Variants in CRY2 observed in about 807,000 individuals in gnomAD.
CRY2 encodes the protein cryptochrome-2.
In CRY2, 31 loss-of-function variants were observed where a neutral mutation model predicts 69.5. The ratio of observed to expected loss-of-function variants is 0.45; its 90% CI spans 0.34 to 0.60. The LOEUF is 0.60. CRY2 is among the 20% of genes least tolerant of loss of function. The pLI, the probability that CRY2 is intolerant of heterozygous loss-of-function variation, is 0.02. For missense variants in CRY2, 606 were observed against 797.8 expected, an observed-to-expected ratio of 0.76 and a Z score of 2.90; for synonymous variants, 303 against 312.2, an observed-to-expected ratio of 0.97 and a Z score of 0.31.
In CRY2 at chr11:45,849,258, A is replaced by G. The variant is rs138590300; in HGVS notation, c.215+1553A>G. ...GATTTTTGTGGGTCATCATTTTGTG[A>G]TCGTGCTATCAATCTAGTGAAGAAG... On this transcript the variant is annotated intron_variant, in intron 1 of 11. Transcript: ENST00000616080. Among the ~76,000 whole-genome samples, 584 of 152,272 alleles carry G rather than the reference A, an allele frequency of 3.8e-3. 2 individuals carry two copies. The highest frequency in any genetic ancestry group is 0.013 in the African/African-American group (555 of 41,540).
intron 5 of CRY2, among the ~76,000 whole-genome samples, chr11:45,866,235 C>G (rs2086329644): frequency 1.3e-5 from 2 of 152,188 alleles, no homozygotes; most frequent in South Asian, 4.1e-4. Flanking sequence ...TAGCAGGCAG[C>G]TGGGTGGAGC....
intron 1 of CRY2, among the ~76,000 whole-genome samples, chr11:45,855,091 T>C (rs2086229068): frequency 6.6e-6 from 1 of 152,262 alleles, no homozygotes; most frequent in African/African-American, 2.4e-5. Flanking sequence ...CAAATGTTAA[T>C]GTCCTTTCCC....
chr11:45,877,262 C>T (rs2086431004), intron 11 of CRY2, among the ~76,000 whole-genome samples: 1 of 152,178 alleles, frequency 6.6e-6, no homozygotes, highest in African/African-American at 2.4e-5. Flanking sequence ...GGTAGCGAAC[C>T]CTCTGCCTTT....
intron 1 of CRY2, among the ~76,000 whole-genome samples, chr11:45,849,966 G>C (rs536563864): frequency 5.3e-5 from 8 of 151,634 alleles, no homozygotes; most frequent in African/African-American, 1.9e-4. Context: ...GTTATGGCCT[G>C]GGCATTAAGG....
intron 5 of CRY2, among the ~76,000 whole-genome samples, chr11:45,863,020 T>C (rs947366941): frequency 2.6e-5 from 4 of 152,158 alleles, no homozygotes; most frequent in African/African-American, 7.2e-5. Flanking sequence ...ATGACGATAA[T>C]AGAACAAGGA....
At chr11:45,849,875 G>C (rs924294693) in intron 1 of CRY2, among the ~76,000 whole-genome samples, 3 of 152,060 alleles carry the variant, frequency 2.0e-5, no homozygotes, top group Non-Finnish European at 4.4e-5. Context: ...TGCCCACCTT[G>C]GTCTCCCAAA....
chr11:45,854,676 G>A (rs535130279), intron 1 of CRY2, among the ~76,000 whole-genome samples: 57 of 152,248 alleles, frequency 3.7e-4, no homozygotes, highest in African/African-American at 1.3e-3. Flanking sequence ...GCGACAGAGC[G>A]AGACTCTGTC....
At chr11:45,876,366 G>C (rs1328451606) in intron 11 of CRY2, among the ~76,000 whole-genome samples, 1 of 152,180 alleles carries the variant, frequency 6.6e-6, no homozygotes, top group African/African-American at 2.4e-5. Context: ...ACTTACCTCA[G>C]ATCCACACCA....
intron 4 of CRY2, 134 bp from the exon 5 acceptor site, chr11:45,861,926 A>T: frequency 1.3e-6 from 1 of 745,770 alleles, no homozygotes; most frequent in Non-Finnish European, 2.2e-6. Context: ...CTAAAACTTT[A>T]AGGATTATCT....
rs557747430 is a variant in CRY2 at position 45,862,174 on chromosome 11, G to A, written c.741+26G>A. On this transcript the variant is annotated intron_variant, in intron 5 of 11. Coordinates refer to ENST00000616080, the MANE Select transcript of CRY2 (RefSeq NM_021117.5). ...GTATGGGCCGTTTCTGAGACACAGA[G>A]CTGCAGATACTGATATCCACACAGC... 1.1e-5 allele frequency: 18 copies of A among 1,602,446 alleles called. No individual in the cohort carries two copies. In the South Asian group the frequency reaches 1.9e-4, roughly 17 times the overall value.
intron 6 of CRY2, among the ~76,000 whole-genome samples, 158 bp from the exon 7 acceptor site, chr11:45,869,348 G>A (rs1001655493): frequency 1.3e-5 from 2 of 152,234 alleles, no homozygotes; most frequent in African/African-American, 4.8e-5. Flanking sequence ...TTCACATGCA[G>A]GCATGCTGTG....
At position 45,881,676 on chromosome 11, in the gene CRY2, TAGAA is replaced by T. The variant is rs997281245; in HGVS notation, c.*769_*772del. 10 of 152,304 alleles carry T rather than the reference TAGAA, an allele frequency of 6.6e-5. No individual in the cohort carries two copies. Among genetic ancestry groups the T allele is most frequent in the East Asian group, 5.8e-4 (3 of 5,188 alleles). 9.4% of individuals were successfully genotyped at this position (152,304 alleles called of 1,614,324 possible). ...CTTTTCAGGATTTAGAACCTAAAAT[TAGAA>T]AGAGAATCCCAGCTGTCATTGTTCC... On this transcript the variant is annotated 3_prime_UTR_variant, in exon 12 of 12. Transcript: ENST00000616080.
intron 1 of CRY2, among the ~76,000 whole-genome samples, chr11:45,854,765 A>C (rs1485128621): frequency 3.3e-5 from 5 of 152,196 alleles, no homozygotes; most frequent in Non-Finnish European, 7.3e-5. Context: ...AGGTTCCTGA[A>C]TCCCCAGCTT....
chr11:45,869,935 G>C, intron 7 of CRY2, 118 bp downstream of exon 7: 1 of 1,514,388 alleles, frequency 6.6e-7, no homozygotes, highest in South Asian at 1.3e-5. Flanking sequence ...ATCCCCTCCA[G>C]ATCCTCTGTG....
At chr11:45,858,027 TCTGTGGGTTGA>T (rs1237677872) in intron 2 of CRY2, among the ~76,000 whole-genome samples, 1 of 152,226 alleles carries the variant, frequency 6.6e-6, no homozygotes, top group African/African-American at 2.4e-5. Context: ...TCTAGGGCTT[TCTGTGGGTTGA>T]CTGTACAACC....
At chr11:45,849,027 G>A (rs2086173680) in intron 1 of CRY2, among the ~76,000 whole-genome samples, 1 of 152,216 alleles carries the variant, frequency 6.6e-6, no homozygotes, top group Non-Finnish European at 1.5e-5. Context: ...ATTAAGCCAA[G>A]CCTCAGACTT....
chr11:45,847,146 G>A, upstream of CRY2: 1 of 1,535,912 alleles, frequency 6.5e-7, no homozygotes, highest in South Asian at 1.2e-5. Context: ...GCCCTGAACA[G>A]GACGTGGGTA....
intron 11 of CRY2, among the ~76,000 whole-genome samples, chr11:45,877,337 GAC>G (rs2086431585): frequency 6.6e-6 from 1 of 152,242 alleles, no homozygotes; most frequent in South Asian, 2.1e-4. Context: ...GAGACTCGGT[GAC>G]AGTCTGCAAA....
chr11:45,855,390 A>G (rs1323294539), intron 1 of CRY2, among the ~76,000 whole-genome samples: 1 of 152,170 alleles, frequency 6.6e-6, no homozygotes. Context: ...CTTTTCCACC[A>G]GAGTAAGGAG....
Sources: allele counts gnomAD v4.1 joint callset (sites outside exome capture counted in the v4.1 genomes callset), GRCh38; gene constraint gnomAD v4.1.1; transcripts MANE v1.5; gene names NCBI Gene and HGNC (gene_info 2026-07-23, HGNC 2026-07-21).